The following BICC1 variants were observed in gnomAD, a reference collection of about 807,000 sequenced individuals.
The protein encoded by BICC1 is protein bicaudal C homolog 1.
In BICC1, 43 loss-of-function variants were observed where a neutral mutation model predicts 111.0. That is an observed-to-expected ratio of 0.39 (90% CI 0.30 to 0.50). The LOEUF is 0.50. Ranked by LOEUF, BICC1 falls within the 20% of genes least tolerant of loss-of-function variation. The pLI is 0.88. For missense variants in BICC1, 1,091 were observed against 1,203.2 expected (o/e 0.91, Z 1.38); for synonymous variants, 467 against 434.4 (o/e 1.07, Z -0.93).
chr10:58,745,718 T>C (rs1841818100), intron 3 of BICC1, among the ~76,000 whole-genome samples: 1 of 151,030 alleles, frequency 6.6e-6, no homozygotes, highest in African/African-American at 2.4e-5. Context: ...TAAGGAGCCT[T>C]ATGATTACAT....
At chr10:58,610,608 C>T (rs962688945) in intron 1 of BICC1, among the ~76,000 whole-genome samples, 2 of 144,790 alleles carry the variant, frequency 1.4e-5, no homozygotes, top group Non-Finnish European at 3.1e-5. Context: ...GATAATCTAT[C>T]TAGCTCTTTT....
chr10:58,803,065 C>G lies in BICC1; in HGVS notation c.2016-12C>G, dbSNP rs763147619. The G allele has an allele frequency of 3.2e-6, 5 of 1,578,658 alleles. No individual in the cohort carries two copies. The highest frequency in any genetic ancestry group is 2.7e-5 in the African/African-American group (2 of 73,810). Reference sequence around the variant, plus strand: ...ATAGTGGAGTGTTAAATTCCACACTCTTATTTCACAGCAGCACTGACAGGT... The same window carrying G: ...ATAGTGGAGTGTTAAATTCCACACTGTTATTTCACAGCAGCACTGACAGGT... On this transcript the variant is annotated splice_polypyrimidine_tract_variant and intron_variant, in intron 14 of 20. Coordinates refer to ENST00000373886, the MANE Select transcript of BICC1 (RefSeq NM_001080512.3).
intron 4 of BICC1, among the ~76,000 whole-genome samples, chr10:58,785,557 G>C (rs1326587315): frequency 6.7e-6 from 1 of 149,666 alleles, no homozygotes; most frequent in Non-Finnish European, 1.5e-5. Flanking sequence ...ATCACGTGAT[G>C]TCTCTCTCTC....
rs1843457905 is a variant in BICC1 at position 58,799,203 on chromosome 10, T to G, written c.1676T>G (p.Met559Arg). 1 of 1,613,332 alleles carries G rather than the reference T, an allele frequency of 6.2e-7. No homozygotes were observed. Among genetic ancestry groups the G allele is most frequent in the Non-Finnish European group, 8.5e-7 (1 of 1,179,662 alleles). The change falls in exon 12 of 21, where the codon ATG (methionine) becomes AGG (arginine). Residue 559 changes from methionine to arginine, a missense_variant. By Grantham distance (91) the Met-to-Arg change is moderately conservative. Around this residue, in one of 3 missense-constraint regions of BICC1, gnomAD observed 843 missense variants for 900.8 expected, o/e 0.94. Coordinates refer to ENST00000373886, the MANE Select transcript of BICC1 (RefSeq NM_001080512.3). ...LTPVDVHINSMQTEGKKISAA... is the reference protein window; with the variant it reads ...LTPVDVHINSRQTEGKKISAA... ...CCTGTTGATGTCCATATCAACAGTA[T>G]GCAGACCGAAGGCAAAAAAATCTCT...
Position 58,718,795 on chromosome 10 carries a change from C to T in BICC1, c.307+16652C>T, listed in dbSNP as rs573864608. 2.5e-3 allele frequency among the ~76,000 whole-genome samples: 375 copies of T among 147,762 alleles called. 4 individuals carry two copies. Among genetic ancestry groups the T allele is most frequent in the African/African-American group, 9.2e-3 (353 of 38,248 alleles). ...GCGCGCGTGCGCGCGTGCGCACGCC[C>T]GCGTGCTTATGGGTATGTGTGTGTG... On this transcript the variant is annotated intron_variant, in intron 3 of 20. Coordinates refer to ENST00000373886, the MANE Select transcript of BICC1 (RefSeq NM_001080512.3).
At chr10:58,794,038 C>A (rs549715617) in intron 9 of BICC1, among the ~76,000 whole-genome samples, 1 of 151,990 alleles carries the variant, frequency 6.6e-6, no homozygotes, top group African/African-American at 2.4e-5. Context: ...TTTTTGCAGT[C>A]CATTTAGAGT....
At chr10:58,751,662 T>C (rs1329510932) in intron 3 of BICC1, among the ~76,000 whole-genome samples, 1 of 152,172 alleles carries the variant, frequency 6.6e-6, no homozygotes, top group South Asian at 2.1e-4. Flanking sequence ...GCCCAAAATA[T>C]AACTGTTTCT....
intron 1 of BICC1, among the ~76,000 whole-genome samples, chr10:58,597,631 A>C (rs1032156216): frequency 6.6e-6 from 1 of 152,068 alleles, no homozygotes; most frequent in Non-Finnish European, 1.5e-5. Context: ...GGGGTATCTC[A>C]GTCCTTATCT....
chr10:58,801,443 A>G (rs1443080630), intron 14 of BICC1, among the ~76,000 whole-genome samples: 1 of 152,146 alleles, frequency 6.6e-6, no homozygotes, highest in Non-Finnish European at 1.5e-5. Context: ...TTTTTTCCCA[A>G]GGTAGTTAAT....
chr10:58,605,809 C>T (rs1845191265), intron 1 of BICC1, among the ~76,000 whole-genome samples: 1 of 152,172 alleles, frequency 6.6e-6, no homozygotes, highest in Non-Finnish European at 1.5e-5. Flanking sequence ...AGACATGGAA[C>T]CCAGGGAATG....
At chr10:58,624,307 T>C (rs1048109599) in intron 2 of BICC1, among the ~76,000 whole-genome samples, 2 of 152,330 alleles carry the variant, frequency 1.3e-5, no homozygotes, top group Admixed American at 1.3e-4. Flanking sequence ...AAATATCACA[T>C]TCTGAGGTCC....
intron 10 of BICC1, among the ~76,000 whole-genome samples, chr10:58,797,187 G>A (rs1451010880): frequency 6.6e-6 from 1 of 152,160 alleles, no homozygotes; most frequent in Non-Finnish European, 1.5e-5. Context: ...GTTAATTGCT[G>A]TATTACAGTT....
At chr10:58,645,691 G>A (rs2132229868) in intron 2 of BICC1, among the ~76,000 whole-genome samples, 1 of 152,234 alleles carries the variant, frequency 6.6e-6, no homozygotes, top group South Asian at 2.1e-4. Context: ...GGCATTTTGC[G>A]GCAGTCATGA....
intron 1 of BICC1, among the ~76,000 whole-genome samples, chr10:58,552,515 T>A (rs1280246354): frequency 6.6e-6 from 1 of 152,114 alleles, no homozygotes; most frequent in East Asian, 1.9e-4. Context: ...TTTTGTATTT[T>A]TAGAAGAGAT....
intron 1 of BICC1, among the ~76,000 whole-genome samples, chr10:58,588,864 G>A (rs1449806174): frequency 6.6e-6 from 1 of 152,178 alleles, no homozygotes; most frequent in African/African-American, 2.4e-5. Context: ...CACACCTCTT[G>A]CGACTCACCA....
intron 2 of BICC1, among the ~76,000 whole-genome samples, chr10:58,690,998 A>T (rs1288899428): frequency 6.6e-6 from 1 of 152,174 alleles, no homozygotes; most frequent in Non-Finnish European, 1.5e-5. Context: ...TTTATTGAGG[A>T]TAATCGACAT....
chr10:58,553,629 G>A (rs1030049925), intron 1 of BICC1, among the ~76,000 whole-genome samples: 5 of 152,110 alleles, frequency 3.3e-5, no homozygotes, highest in African/African-American at 7.2e-5. Context: ...CAGATGTTTA[G>A]TGCAAGGAAC....
chr10:58,795,249 C>T (rs963735975), intron 9 of BICC1, among the ~76,000 whole-genome samples: 21 of 152,188 alleles, frequency 1.4e-4, no homozygotes, highest in Middle Eastern at 3.5e-3. Flanking sequence ...ATGTGGTAAT[C>T]GCTGTCCAAC....
chr10:58,533,342 A>G (rs903829159), intron 1 of BICC1, among the ~76,000 whole-genome samples: 7 of 151,840 alleles, frequency 4.6e-5, no homozygotes, highest in African/African-American at 1.7e-4. Flanking sequence ...TCACTTAATA[A>G]TGTAAAAAAG....
Sources: gnomAD v4.1 joint callset for allele counts (sites outside exome capture counted in the v4.1 genomes callset) on GRCh38, gnomAD v4.1.1 for gene constraint, gnomAD v4.1.1 regional missense constraint, MANE v1.5 for transcripts, NCBI Gene and HGNC (gene_info 2026-07-23, HGNC 2026-07-21) for gene names.